Variants in SGCZ observed in about 807,000 individuals in gnomAD.
SGCZ encodes sarcoglycan zeta, also known as zeta-sarcoglycan.
SGCZ carries 40 observed loss-of-function variants against 41.3 expected under a neutral mutation model. That is an observed-to-expected ratio of 0.97 (90% confidence interval 0.75 to 1.26). SGCZ has a LOEUF of 1.26. Among genes scored for constraint, SGCZ ranks in the 50% most tolerant of loss-of-function variants. The pLI, the probability that SGCZ is intolerant of heterozygous loss-of-function variation, is 0.00. For synonymous variants in SGCZ, 206 were observed against 137.5 expected, an observed-to-expected ratio of 1.50 and a Z score of -3.49; for missense variants, 552 against 369.8, an observed-to-expected ratio of 1.49 and a Z score of -4.04.
chr8:14,096,656 T>C (rs763804761), intron 7 of SGCZ, among the ~76,000 whole-genome samples: 1 of 152,126 alleles, frequency 6.6e-6, no homozygotes, highest in South Asian at 2.1e-4. Context: ...TTTCTATTGA[T>C]TGGAATAGTT....
chr8:14,539,744 T>C (rs1466624210), intron 2 of SGCZ, among the ~76,000 whole-genome samples: 1 of 151,932 alleles, frequency 6.6e-6, no homozygotes, highest in African/African-American at 2.4e-5. Context: ...CCCCTCTATG[T>C]GTCCATGTGT....
At chr8:14,481,312 G>C (rs1187217343) in intron 2 of SGCZ, among the ~76,000 whole-genome samples, 2 of 152,090 alleles carry the variant, frequency 1.3e-5, no homozygotes, top group Non-Finnish European at 2.9e-5. Flanking sequence ...AAAAGTTATA[G>C]AACAAAGGAG....
chr8:14,837,212 G>C (rs1464826410), intron 1 of SGCZ, among the ~76,000 whole-genome samples: 1 of 152,148 alleles, frequency 6.6e-6, no homozygotes, highest in African/African-American at 2.4e-5. Flanking sequence ...AGTCAAGGCT[G>C]GGTGCTTTTA....
At chr8:14,613,268 G>A (rs1199293075) in intron 1 of SGCZ, among the ~76,000 whole-genome samples, 1 of 152,094 alleles carries the variant, frequency 6.6e-6, no homozygotes, top group Admixed American at 6.6e-5. Context: ...ATTCCAACCT[G>A]AAAATATATT....
At chr8:14,896,907 G>A (rs1585358995) in intron 1 of SGCZ, among the ~76,000 whole-genome samples, 1 of 151,846 alleles carries the variant, frequency 6.6e-6, no homozygotes, top group East Asian at 1.9e-4. Context: ...CAGCCCTCCT[G>A]AGTAGCTGGG....
At chr8:14,808,157 G>A (rs1251906557) in intron 1 of SGCZ, among the ~76,000 whole-genome samples, 1 of 152,162 alleles carries the variant, frequency 6.6e-6, no homozygotes, top group African/African-American at 2.4e-5. Flanking sequence ...ATACCATTCA[G>A]GACATAGGCA....
At chr8:14,991,462 C>G (rs1242242286) in intron 1 of SGCZ, among the ~76,000 whole-genome samples, 12 of 152,084 alleles carry the variant, frequency 7.9e-5, no homozygotes, top group Admixed American at 7.9e-4. Flanking sequence ...CTGCATATAC[C>G]TAAATTCTAG....
chr8:14,519,305 T>C (rs1053677694), intron 2 of SGCZ, among the ~76,000 whole-genome samples: 3 of 152,120 alleles, frequency 2.0e-5, no homozygotes, highest in Non-Finnish European at 4.4e-5. Flanking sequence ...CTGGATCTAT[T>C]TTCAGCAGAG....
chr8:14,296,679 T>G (rs1383891358), intron 3 of SGCZ, among the ~76,000 whole-genome samples: 1 of 152,044 alleles, frequency 6.6e-6, no homozygotes, highest in African/African-American at 2.4e-5. Flanking sequence ...ACTTGCATAT[T>G]CTAATTCCTA....
intron 4 of SGCZ, among the ~76,000 whole-genome samples, chr8:14,197,122 A>G (rs1438136647): frequency 1.3e-5 from 2 of 152,200 alleles, no homozygotes; most frequent in Non-Finnish European, 2.9e-5. Context: ...AAATAGCAAT[A>G]CAGTTGTTAT....
rs1798996764 is a variant in SGCZ, at chr8:14,244,191, TC to T, written c.337-6513del. Among the ~76,000 whole-genome samples the T allele has an allele frequency of 2.0e-5, 3 of 149,852 alleles. No individual in the cohort carries two copies. The East Asian group carries it at 5.9e-4, about 29-fold the overall frequency. ...TCCTCCTCCTCTTCCTTCTTCCTCC[TC>T]CTCTTCCTTCTTCCTCCTCTTCCTT... On this transcript the variant is annotated intron_variant, in intron 3 of 7. Coordinates refer to ENST00000382080, the MANE Select transcript of SGCZ (RefSeq NM_139167.4).
chr8:14,209,576 T>C (rs1805730990), intron 4 of SGCZ, among the ~76,000 whole-genome samples: 1 of 152,188 alleles, frequency 6.6e-6, no homozygotes, highest in African/African-American at 2.4e-5. Context: ...AATATTTAAA[T>C]TATGTTTTCG....
intron 1 of SGCZ, among the ~76,000 whole-genome samples, chr8:15,064,970 A>G (rs1205615637): frequency 6.6e-6 from 1 of 152,120 alleles, no homozygotes; most frequent in East Asian, 1.9e-4. Context: ...TTCCTGTGTC[A>G]TTTCCAGAGC....
At position 14,472,333 on chromosome 8, in the gene SGCZ, C is replaced by A. The variant is rs151105879; in HGVS notation, c.234+82399G>T. 2.4e-3 allele frequency among the ~76,000 whole-genome samples: 369 copies of A among 152,160 alleles called. 2 individuals carry two copies. Among genetic ancestry groups the A allele is most frequent in the Non-Finnish European group, 4.1e-3 (276 of 67,948 alleles). On this transcript the variant is annotated intron_variant, in intron 2 of 7. Coordinates refer to ENST00000382080, the MANE Select transcript of SGCZ (RefSeq NM_139167.4). ...GAAAGCTGTTTGTTCATGGTTTTAA[C>A]TAGATTGAAAGCCAGAGAGGTATTT... is the stretch of plus-strand genomic sequence containing the variant.
chr8:14,364,573 T>C (rs1337738902), intron 2 of SGCZ, among the ~76,000 whole-genome samples: 1 of 152,168 alleles, frequency 6.6e-6, no homozygotes, highest in African/African-American at 2.4e-5. Flanking sequence ...TAAACTGCTA[T>C]ATCATTGCTT....
intron 1 of SGCZ, among the ~76,000 whole-genome samples, chr8:14,843,837 A>G (rs1228455405): frequency 1.3e-5 from 2 of 151,930 alleles, no homozygotes; most frequent in African/African-American, 2.4e-5. Context: ...TCAAAAATCA[A>G]TATTACTTGG....
intron 2 of SGCZ, among the ~76,000 whole-genome samples, chr8:14,325,832 C>T (rs1802085523): frequency 7.0e-6 from 1 of 142,306 alleles, no homozygotes; most frequent in African/African-American, 2.6e-5. Flanking sequence ...GGACGTGGGC[C>T]CGGCGCGGTG....
chr8:15,091,719 G>A (rs932567443), intron 1 of SGCZ, among the ~76,000 whole-genome samples: 7 of 151,980 alleles, frequency 4.6e-5, no homozygotes, highest in African/African-American at 1.5e-4. Context: ...AGACATTATA[G>A]CAAAAGTTCA....
At chr8:15,171,584 A>C (rs1020838188) in intron 1 of SGCZ, among the ~76,000 whole-genome samples, 1 of 152,222 alleles carries the variant, frequency 6.6e-6, no homozygotes, top group South Asian at 2.1e-4. Context: ...AAATTCAATT[A>C]AGTTCAGATT....
Sources: gnomAD v4.1 joint callset for allele counts (sites outside exome capture counted in the v4.1 genomes callset) on GRCh38, gnomAD v4.1.1 for gene constraint, MANE v1.5 for transcripts, NCBI Gene and HGNC (gene_info 2026-07-23, HGNC 2026-07-21) for gene names.